MTDH: variants seen among roughly 807,000 people sequenced by gnomAD.
MTDH encodes the protein protein LYRIC.
In MTDH, 34 loss-of-function variants were observed where a neutral mutation model predicts 72.7. The ratio of observed to expected loss-of-function variants is 0.47; its 90% CI spans 0.36 to 0.62. MTDH has a LOEUF of 0.62. Ranked by LOEUF, MTDH falls within the 20% of genes least tolerant of loss-of-function variation. The pLI is 0.00. For missense variants in MTDH, 677 were observed against 699.4 expected, an observed-to-expected ratio of 0.97 and a Z score of 0.36; for synonymous variants, 266 against 268.9, an observed-to-expected ratio of 0.99 and a Z score of 0.10.
intron 9 of MTDH, among the ~76,000 whole-genome samples, chr8:97,716,919 A>G (rs1179872204): frequency 6.6e-6 from 1 of 152,090 alleles, no homozygotes; most frequent in Non-Finnish European, 1.5e-5. Flanking sequence ...GGGCTCAAAC[A>G]GTCCTCCTGC....
At position 97,724,611 on chromosome 8, in the gene MTDH, A is replaced by G. The variant is rs746765701; in HGVS notation, c.1690A>G (p.Thr564Ala). 1.3e-5 allele frequency: 21 copies of G among 1,588,478 alleles called. No individual in the cohort carries two copies. The highest frequency in any genetic ancestry group is 1.8e-5 in the Non-Finnish European group (21 of 1,174,032). The change falls in exon 12 of 12, where the codon ACT becomes GCT. Residue 564 changes from threonine to alanine, a missense_variant. By Grantham distance (58) the Thr-to-Ala change is moderately conservative (BLOSUM62 0). Transcript: ENST00000336273. ...CTTTTCTTTTTTAGCCAAGTCTGAA[A>G]CTAGCTGGGAATCTCCCAAACAAAT... Reference protein sequence around the residue: ...SVPPSQTKSETSWESPKQIKK... With the variant: ...SVPPSQTKSEASWESPKQIKK...
At chr8:97,703,714 G>A (rs1049690255) in intron 7 of MTDH, among the ~76,000 whole-genome samples, 1 of 152,156 alleles carries the variant, frequency 6.6e-6, no homozygotes, top group Non-Finnish European at 1.5e-5. Flanking sequence ...TTAATGAGAG[G>A]TTCATCAGAA....
intron 2 of MTDH, among the ~76,000 whole-genome samples, chr8:97,675,776 GT>G: frequency 6.6e-6 from 1 of 151,338 alleles, no homozygotes; most frequent in Non-Finnish European, 1.5e-5. Flanking sequence ...GGAGGCTGAG[GT>G]GAGAGGATGG....
chr8:97,685,381 A>T (rs1813318717), intron 2 of MTDH, among the ~76,000 whole-genome samples: 1 of 152,230 alleles, frequency 6.6e-6, no homozygotes, highest in Non-Finnish European at 1.5e-5. Context: ...TGTCAAAGAC[A>T]ATTTTTAATC....
At position 97,718,601 on chromosome 8, in the gene MTDH, A is replaced by G. The variant is rs529565399; in HGVS notation, c.1381-448A>G. ...AATGGTGCGATCTCGGCTCACTGCA[A>G]CCTTCACCTCCCAGGCTCAAGCAAT... is the stretch of plus-strand genomic sequence containing the variant. On this transcript the variant is annotated intron_variant, in intron 9 of 11. Transcript: ENST00000336273. 2.7e-5 allele frequency among the ~76,000 whole-genome samples: 4 copies of G among 149,874 alleles called. No individual in the cohort carries two copies. In the South Asian group the frequency reaches 6.3e-4, roughly 24 times the overall value.
intron 6 of MTDH, among the ~76,000 whole-genome samples, chr8:97,698,608 C>T (rs1005689793): frequency 1.3e-5 from 2 of 152,222 alleles, no homozygotes; most frequent in Non-Finnish European, 2.9e-5. Flanking sequence ...CTCTAGACCT[C>T]CTGCAACTCT....
Position 97,724,739 on chromosome 8 carries a change from A to G in MTDH, c.*69A>G, listed in dbSNP as rs1005206730. 1.4e-5 allele frequency: 17 copies of G among 1,243,592 alleles called. No homozygotes were observed. The highest frequency in any genetic ancestry group is 1.7e-5 in the Non-Finnish European group (15 of 890,138). The allele number at this position is 1,243,592 out of a possible 1,614,324, so 77.0% of individuals were successfully genotyped here. ...TTGAAGATTATGCTGTTTATGCAAT[A>G]ATTTGTGAACATGTACAGAGTTTTA... is the stretch of plus-strand genomic sequence containing the variant. On this transcript the variant is annotated 3_prime_UTR_variant, in exon 12 of 12. Transcript: ENST00000336273.
intron 2 of MTDH, among the ~76,000 whole-genome samples, chr8:97,664,375 C>T (rs1197012411): frequency 6.6e-6 from 1 of 151,840 alleles, no homozygotes; most frequent in Non-Finnish European, 1.5e-5. Flanking sequence ...AAAATGGATG[C>T]AGTTTCTGGA....
chr8:97,676,097 G>A (rs898497435), intron 2 of MTDH, among the ~76,000 whole-genome samples: 3 of 151,910 alleles, frequency 2.0e-5, no homozygotes, highest in East Asian at 3.9e-4. Flanking sequence ...GCACCACCAT[G>A]CCTGGTTAAT....
At chr8:97,647,858 C>T (rs2130906094) in intron 1 of MTDH, among the ~76,000 whole-genome samples, 1 of 151,532 alleles carries the variant, frequency 6.6e-6, no homozygotes, top group East Asian at 1.9e-4. Flanking sequence ...TTGGGAGGAT[C>T]ACTTGAGCCT....
intron 6 of MTDH, among the ~76,000 whole-genome samples, chr8:97,694,599 G>A (rs1156514910): frequency 3.3e-5 from 5 of 152,078 alleles, no homozygotes; most frequent in Non-Finnish European, 4.4e-5. Flanking sequence ...TTGAAAAATT[G>A]TGTAGCGGTA....
In MTDH at chr8:97,726,483, A is replaced by C. The variant is rs974127070; in HGVS notation, c.*1813A>C. 2.0e-5 allele frequency: 3 copies of C among 152,220 alleles called. No individual in the cohort carries two copies. Among genetic ancestry groups the C allele is most frequent in the African/African-American group, 7.2e-5 (3 of 41,460 alleles). 9.4% of individuals were successfully genotyped at this position (152,220 alleles called of 1,614,324 possible). On this transcript the variant is annotated 3_prime_UTR_variant, in exon 12 of 12. Transcript: ENST00000336273. ...CAAAGGAGAAGTTGATAGGGAATCT[A>C]ATTTTAGAATGTGCCAAATGGTCTG...
In MTDH at chr8:97,691,126, C is replaced by T. The variant is rs1256956349; in HGVS notation, c.986C>T (p.Ala329Val). The change falls in exon 6 of 12, where the codon GCT becomes GTT. Residue 329 changes from alanine to valine, a missense_variant. Coordinates refer to ENST00000336273, the MANE Select transcript of MTDH (RefSeq NM_178812.4). The part of the protein sequence containing the change: ...PSAWSQDTGD[A>V]NTNGKDWGRS... ...GCCTGGAGTCAAGACACTGGAGATGCTAATACAAATGGAAAAGACTGGGGA... is the reference window on the plus strand; with the variant it reads ...GCCTGGAGTCAAGACACTGGAGATGTTAATACAAATGGAAAAGACTGGGGA... 17 of 1,613,808 alleles carry T rather than the reference C, an allele frequency of 1.1e-5. No individual in the cohort carries two copies. Among genetic ancestry groups the T allele is most frequent in the African/African-American group, 2.7e-5 (2 of 74,896 alleles).
chr8:97,656,518 G>A (rs1346371613), intron 1 of MTDH, among the ~76,000 whole-genome samples: 3 of 151,224 alleles, frequency 2.0e-5, no homozygotes, highest in Non-Finnish European at 4.4e-5. Context: ...GGCCAGGATG[G>A]TCTCGATCTC....
intron 1 of MTDH, among the ~76,000 whole-genome samples, chr8:97,646,711 T>A (rs1811577824): frequency 6.6e-6 from 1 of 152,182 alleles, no homozygotes; most frequent in Non-Finnish European, 1.5e-5. Context: ...CTTAAAAGAC[T>A]TACCCCCTCA....
intron 7 of MTDH, 29 bp downstream of exon 7, chr8:97,699,881 T>A (rs1247069839): frequency 7.1e-7 from 1 of 1,417,992 alleles, no homozygotes; most frequent in Non-Finnish European, 9.7e-7. Context: ...TATCAGTTAT[T>A]TTTTTTCAGA....
chr8:97,688,756 T>G (rs916829099), intron 4 of MTDH, among the ~76,000 whole-genome samples: 18 of 152,170 alleles, frequency 1.2e-4, no homozygotes, highest in African/African-American at 4.3e-4. Context: ...AAAATAATCT[T>G]GATAACTGTT....
intron 2 of MTDH, among the ~76,000 whole-genome samples, chr8:97,666,274 T>G (rs144472261): frequency 1.1e-4 from 17 of 152,350 alleles, no homozygotes; most frequent in African/African-American, 4.1e-4. Context: ...CTGATATCAT[T>G]TATTACAAGT....
intron 1 of MTDH, among the ~76,000 whole-genome samples, chr8:97,647,996 G>C (rs769983488): frequency 6.7e-6 from 1 of 149,872 alleles, no homozygotes; most frequent in South Asian, 2.1e-4. Context: ...TGATCTTTTC[G>C]TTCCATTATT....
Sources: gnomAD v4.1 joint callset for allele counts (sites outside exome capture counted in the v4.1 genomes callset) on GRCh38, gnomAD v4.1.1 for gene constraint, MANE v1.5 for transcripts, NCBI Gene and HGNC (gene_info 2026-07-23, HGNC 2026-07-21) for gene names.